Variants in PDZRN4 observed in about 807,000 individuals in gnomAD.
The protein encoded by PDZRN4 is PDZ domain containing ring finger 4, also known as PDZ domain-containing RING finger protein 4.
In PDZRN4, 70 loss-of-function variants were observed where a neutral mutation model predicts 99.0. The ratio of observed to expected loss-of-function variants is 0.71; its 90% CI spans 0.58 to 0.86. PDZRN4 has a LOEUF of 0.86. Among genes scored for constraint, PDZRN4 ranks in the 40% least tolerant of loss-of-function variants. The probability of loss-of-function intolerance (pLI) is 0.00; values close to 1 mark genes in which losing one functional copy is unlikely to be tolerated. For synonymous variants in PDZRN4, 551 were observed against 501.6 expected (o/e 1.10, Z -1.32); for missense variants, 1,474 against 1,331.2 (o/e 1.11, Z -1.67).
At chr12:41,479,135 A>G (rs574646779) in intron 3 of PDZRN4, among the ~76,000 whole-genome samples, 150 of 152,326 alleles carry the variant, frequency 9.8e-4, no homozygotes, top group African/African-American at 3.4e-3. Context: ...AATGACTTTT[A>G]CCAATGACAT....
chr12:41,450,751 C>T (rs1335536059), intron 3 of PDZRN4, among the ~76,000 whole-genome samples: 1 of 152,046 alleles, frequency 6.6e-6, no homozygotes, highest in Non-Finnish European at 1.5e-5. Context: ...GTAAAACCAT[C>T]TCTACTAAAA....
At chr12:41,325,615 T>TTTAACTAACCCG (rs1180899307) in intron 3 of PDZRN4, among the ~76,000 whole-genome samples, 1 of 152,108 alleles carries the variant, frequency 6.6e-6, no homozygotes, top group Non-Finnish European at 1.5e-5. Context: ...CAGCTACGGG[T>TTTAACTAACCCG]TAGTTAAGAG....
intron 3 of PDZRN4, among the ~76,000 whole-genome samples, chr12:41,487,871 A>ACTT (rs1013280243): frequency 1.1e-4 from 16 of 152,220 alleles, no homozygotes; most frequent in Non-Finnish European, 1.5e-4. Flanking sequence ...TAAACTTAAG[A>ACTT]AAGTAGTTCT....
chr12:41,467,233 G>A (rs1187670570), intron 3 of PDZRN4, among the ~76,000 whole-genome samples: 3 of 152,076 alleles, frequency 2.0e-5, no homozygotes, highest in African/African-American at 7.2e-5. Flanking sequence ...CTCAGTACAT[G>A]GTAATAGCAT....
chr12:41,226,313 A>G (rs1174639596), intron 3 of PDZRN4, among the ~76,000 whole-genome samples: 2 of 151,772 alleles, frequency 1.3e-5, no homozygotes, highest in African/African-American at 4.8e-5. Flanking sequence ...TTTTTTCTCC[A>G]TAGTACTAGC....
intron 9 of PDZRN4, among the ~76,000 whole-genome samples, chr12:41,568,103 A>T (rs1054421505): frequency 6.6e-6 from 1 of 152,206 alleles, no homozygotes. Context: ...CCAGTTTGGG[A>T]AGCTTGGGGA....
chr12:41,243,802 T>C (rs921433949), intron 3 of PDZRN4, among the ~76,000 whole-genome samples: 8 of 152,224 alleles, frequency 5.3e-5, no homozygotes, highest in Non-Finnish European at 1.2e-4. Flanking sequence ...ATACATTAGA[T>C]GTAATATAGG....
intron 3 of PDZRN4, among the ~76,000 whole-genome samples, chr12:41,218,351 A>C (rs766758520): frequency 1.3e-5 from 2 of 152,044 alleles, no homozygotes. Flanking sequence ...GAAATACATC[A>C]AGGGCTGACA....
At chr12:41,230,766 T>G (rs974142288) in intron 3 of PDZRN4, among the ~76,000 whole-genome samples, 1 of 152,120 alleles carries the variant, frequency 6.6e-6, no homozygotes, top group African/African-American at 2.4e-5. Flanking sequence ...TTTTAGAAAT[T>G]TTCAGAAAAA....
At position 41,403,225 on chromosome 12, in the gene PDZRN4, G is replaced by A. The variant is rs370854846; in HGVS notation, c.844-103231G>A. ...TGAGCCCCAGGGGCTAGGAAACCTC[G>A]GGGTGAAAGTTTGGGAAAATATCTG... On this transcript the variant is annotated intron_variant, in intron 3 of 9. Transcript: ENST00000402685. 5.9e-5 allele frequency among the ~76,000 whole-genome samples: 9 copies of A among 152,198 alleles called. No homozygotes were observed. In the South Asian group the frequency reaches 6.2e-4, roughly 11 times the overall value.
intron 3 of PDZRN4, among the ~76,000 whole-genome samples, chr12:41,487,360 C>T (rs1451920603): frequency 1.3e-5 from 2 of 152,086 alleles, no homozygotes; most frequent in Non-Finnish European, 2.9e-5. Flanking sequence ...TTAGCATTCC[C>T]AGTGCTTTGA....
intron 3 of PDZRN4, among the ~76,000 whole-genome samples, chr12:41,491,689 T>A (rs963775657): frequency 6.6e-6 from 1 of 152,132 alleles, no homozygotes; most frequent in African/African-American, 2.4e-5. Context: ...GACAAGACTA[T>A]CTTCTGCAGT....
Position 41,573,294 on chromosome 12 carries a change from A to G in PDZRN4, c.2515A>G (p.Arg839Gly). 6.2e-7 allele frequency: 1 copy of G among 1,613,608 alleles called. No individual in the cohort carries two copies. Among genetic ancestry groups the G allele is most frequent in the South Asian group, 1.1e-5 (1 of 91,082 alleles). The part of the protein sequence containing the change: ...YLSPYHSSSY[R>G]YANIPAHARH... ...CTCTCCTTACCACAGCTCCTCATATAGATATGCAAACATCCCAGCACACGC... is the reference window on the plus strand; with the variant it reads ...CTCTCCTTACCACAGCTCCTCATATGGATATGCAAACATCCCAGCACACGC... Residue 839 changes from arginine (R) to glycine (G), a missense_variant, in exon 10 of 10, where the codon AGA (arginine) becomes GGA (glycine). Physicochemically the swap from Arg to Gly is moderately radical, Grantham distance 125 (BLOSUM62 -2). Coordinates refer to ENST00000402685, the MANE Select transcript of PDZRN4 (RefSeq NM_001164595.2).
At chr12:41,251,125 T>C (rs1951166870) in intron 3 of PDZRN4, among the ~76,000 whole-genome samples, 1 of 152,228 alleles carries the variant, frequency 6.6e-6, no homozygotes, top group Non-Finnish European at 1.5e-5. Flanking sequence ...TGTTTTTTTC[T>C]GCAGCTGATC....
chr12:41,335,360 A>G (rs1951765965), intron 3 of PDZRN4, among the ~76,000 whole-genome samples: 1 of 151,940 alleles, frequency 6.6e-6, no homozygotes, highest in African/African-American at 2.4e-5. Flanking sequence ...GGTGTGCTGC[A>G]CCCATTAACT....
chr12:41,398,240 A>G (rs949594420), intron 3 of PDZRN4, among the ~76,000 whole-genome samples: 13 of 152,176 alleles, frequency 8.5e-5, no homozygotes, highest in Non-Finnish European at 1.5e-4. Flanking sequence ...GGCATTGGGA[A>G]AGAGTGGATT....
chr12:41,440,262 T>C (rs1013526676), intron 3 of PDZRN4, among the ~76,000 whole-genome samples: 2 of 152,202 alleles, frequency 1.3e-5, no homozygotes, highest in Non-Finnish European at 2.9e-5. Flanking sequence ...CTTTTGTTAC[T>C]ATTCCTTATG....
intron 3 of PDZRN4, among the ~76,000 whole-genome samples, chr12:41,215,225 G>GAA (rs1029995355): frequency 6.6e-6 from 1 of 151,966 alleles, no homozygotes; most frequent in Admixed American, 6.6e-5. Context: ...GAATGGCTTA[G>GAA]AAAAATGGAA....
At chr12:41,417,510 G>C (rs982408217) in intron 3 of PDZRN4, among the ~76,000 whole-genome samples, 6 of 152,138 alleles carry the variant, frequency 3.9e-5, no homozygotes, top group Admixed American at 3.3e-4. Context: ...CTGAATTTCT[G>C]TTGTGTACCA....
Sources: gnomAD v4.1 joint callset for allele counts (sites outside exome capture counted in the v4.1 genomes callset) on GRCh38, gnomAD v4.1.1 for gene constraint, MANE v1.5 for transcripts, NCBI Gene and HGNC (gene_info 2026-07-23, HGNC 2026-07-21) for gene names.